Variants in RYR2 observed in about 807,000 individuals in gnomAD.
RYR2 encodes the protein cardiac muscle ryanodine receptor-calcium release channel.
RYR2 carries 227 observed loss-of-function variants against 601.1 expected under a neutral mutation model. That is an observed-to-expected ratio of 0.38 (90% CI 0.34 to 0.42). The LOEUF is 0.42. Among genes scored for constraint, RYR2 ranks in the 10% least tolerant of loss-of-function variants. RYR2 has a pLI of 1.00. For synonymous variants in RYR2, 2,223 were observed against 2,175.1 expected (o/e 1.02, Z -0.61); for missense variants, 4,646 against 6,156.5 (o/e 0.75, Z 8.21).
intron 1 of RYR2, among the ~76,000 whole-genome samples, chr1:237,062,817 G>A (rs1034368538): frequency 2.6e-5 from 4 of 152,182 alleles, no homozygotes; most frequent in African/African-American, 9.6e-5. Flanking sequence ...TTTCATCAAG[G>A]ATTTTATGAT....
intron 27 of RYR2, among the ~76,000 whole-genome samples, chr1:237,560,701 C>T (rs1045594247): frequency 6.6e-6 from 1 of 152,196 alleles, no homozygotes; most frequent in African/African-American, 2.4e-5. Context: ...ATTTCATTTG[C>T]ATAGTTTTTT....
chr1:237,344,904 G>T (rs1004274791), intron 3 of RYR2, among the ~76,000 whole-genome samples: 2 of 151,910 alleles, frequency 1.3e-5, no homozygotes, highest in Non-Finnish European at 2.9e-5. Context: ...TCTGCCTCCC[G>T]GATTCAAGCA....
chr1:237,328,388 A>C (rs1217073722), intron 2 of RYR2, among the ~76,000 whole-genome samples: 2 of 151,904 alleles, frequency 1.3e-5, no homozygotes, highest in Non-Finnish European at 2.9e-5. Flanking sequence ...AGTAGAAGAG[A>C]GTCCTTTTCC....
intron 100 of RYR2, among the ~76,000 whole-genome samples, chr1:237,810,012 T>C (rs1432636015): frequency 1.4e-5 from 2 of 146,452 alleles, no homozygotes; most frequent in South Asian, 2.2e-4. Context: ...TAAATAAAAA[T>C]AAATTCTGAA....
intron 60 of RYR2, among the ~76,000 whole-genome samples, chr1:237,676,352 T>C (rs1213263520): frequency 2.0e-5 from 3 of 152,164 alleles, no homozygotes; most frequent in Non-Finnish European, 4.4e-5. Context: ...ACTACAGTTT[T>C]CTTGTATGGG....
intron 80 of RYR2, among the ~76,000 whole-genome samples, chr1:237,748,913 A>G (rs922451801): frequency 1.3e-5 from 2 of 152,224 alleles, no homozygotes; most frequent in Non-Finnish European, 2.9e-5. Flanking sequence ...AACTACTTAC[A>G]TAACATTTAC....
At chr1:237,298,096 A>T (rs753965149) in intron 2 of RYR2, among the ~76,000 whole-genome samples, 33 of 152,024 alleles carry the variant, frequency 2.2e-4, no homozygotes, top group Non-Finnish European at 4.4e-5. Context: ...CTACTGAGGA[A>T]TGGGAATCAT....
chr1:237,280,689 C>G (rs1358848112), intron 2 of RYR2, among the ~76,000 whole-genome samples: 1 of 151,808 alleles, frequency 6.6e-6, no homozygotes, highest in African/African-American at 2.4e-5. Flanking sequence ...AAATATTTAA[C>G]AGTTTTCTTG....
intron 56 of RYR2, among the ~76,000 whole-genome samples, chr1:237,664,970 T>C (rs1684168806): frequency 6.6e-6 from 1 of 152,234 alleles, no homozygotes. Flanking sequence ...ATAATGATAG[T>C]ATACTAACAA....
intron 35 of RYR2, among the ~76,000 whole-genome samples, chr1:237,609,005 T>TCTCCCTCTCC (rs1164124091): frequency 2.0e-5 from 3 of 151,492 alleles, no homozygotes; most frequent in African/African-American, 7.3e-5. Context: ...CTTCTTCTCT[T>TCTCCCTCTCC]CTCCCTCTCC....
At chr1:237,684,456 T>G (rs1686185951) in intron 62 of RYR2, among the ~76,000 whole-genome samples, 1 of 152,024 alleles carries the variant, frequency 6.6e-6, no homozygotes, top group South Asian at 2.1e-4. Flanking sequence ...AAACAGCAGC[T>G]GGGGTGAGAA....
chr1:237,229,768 C>A (rs1684772420), intron 1 of RYR2, among the ~76,000 whole-genome samples: 1 of 152,090 alleles, frequency 6.6e-6, no homozygotes, highest in South Asian at 2.1e-4. Context: ...GAATAAAAAC[C>A]AGAGGGCTTT....
At position 237,792,330 on chromosome 1, in the gene RYR2, T is replaced by G. The variant is rs1558424783; in HGVS notation, c.13782+7T>G. ...TGGATACTACTGCTTGAAAGTAAGA[T>G]AGTAAGGCACCAAGGTACCTGTGTG... On this transcript the variant is annotated splice_region_variant and intron_variant, in intron 94 of 104. Transcript: ENST00000366574. 1 of 1,587,152 alleles carries G rather than the reference T, an allele frequency of 6.3e-7. No homozygotes were observed. The highest frequency in any genetic ancestry group is 8.6e-7 in the Non-Finnish European group (1 of 1,160,830).
chr1:237,423,029 T>C, intron 11 of RYR2, 63 bp from the exon 12 acceptor site: 2 of 1,541,814 alleles, frequency 1.3e-6, no homozygotes, highest in Non-Finnish European at 1.8e-6. Flanking sequence ...GACATATGTT[T>C]TAATAGCTAC....
chr1:237,458,775 G>C (rs1659139594), intron 16 of RYR2, among the ~76,000 whole-genome samples: 1 of 151,752 alleles, frequency 6.6e-6, no homozygotes, highest in Non-Finnish European at 1.5e-5. Context: ...ATTTTTAATG[G>C]GAAGAATTTA....
At chr1:237,548,796 G>A (rs1670087750) in intron 26 of RYR2, among the ~76,000 whole-genome samples, 1 of 152,246 alleles carries the variant, frequency 6.6e-6, no homozygotes, top group African/African-American at 2.4e-5. Context: ...CACATGTGAG[G>A]CACACAATGA....
At chr1:237,516,012 C>A (rs959371738) in intron 24 of RYR2, among the ~76,000 whole-genome samples, 3 of 149,828 alleles carry the variant, frequency 2.0e-5, no homozygotes, top group African/African-American at 7.4e-5. Context: ...TCTTCTTCTT[C>A]TCTTTATCTT....
chr1:237,374,731 G>A lies in RYR2; in HGVS notation c.399G>A (p.Leu133=). Residue 133 remains leucine, a synonymous_variant, in exon 7 of 105, where the codon CTG becomes CTA. Transcript: ENST00000366574. The part of the protein sequence containing the change: ...HSYSGMYLCC[L]STSRSSTDKL... ...GTACTTTGTAGTATCTGTGCTGCCT[G>A]TCCACCTCCCGGTCTTCAACTGATA... 6.2e-7 allele frequency: 1 copy of A among 1,612,664 alleles called. No individual in the cohort carries two copies. The highest frequency in any genetic ancestry group is 1.1e-5 in the South Asian group (1 of 90,738).
chr1:237,107,380 A>G (rs989916394), intron 1 of RYR2, among the ~76,000 whole-genome samples: 127 of 149,972 alleles, frequency 8.5e-4, no homozygotes, highest in African/African-American at 9.5e-4. Context: ...AATTAGCTGG[A>G]CGTGGTGGCG....
Sources: gnomAD v4.1 joint callset for allele counts (sites outside exome capture counted in the v4.1 genomes callset) on GRCh38, gnomAD v4.1.1 for gene constraint, MANE v1.5 for transcripts, NCBI Gene and HGNC (gene_info 2026-07-23, HGNC 2026-07-21) for gene names.